Variants in HTR2C observed in about 807,000 individuals in gnomAD.
HTR2C encodes 5-hydroxytryptamine receptor 2C, also known as 5-hydroxytryptamine (serotonin) receptor 2C, G protein-coupled.
In HTR2C, 5 loss-of-function variants were observed where a neutral mutation model predicts 21.0. The ratio of observed to expected loss-of-function variants is 0.24; its 90% CI spans 0.12 to 0.50. HTR2C has a LOEUF of 0.50. HTR2C is among the 20% of genes least tolerant of loss of function. The pLI is 0.98. For missense variants in HTR2C, 271 were observed against 371.2 expected, an observed-to-expected ratio of 0.73 and a Z score of 2.22; for synonymous variants, 150 against 145.3, an observed-to-expected ratio of 1.03 and a Z score of -0.23.
rs1556467721 is a variant in HTR2C at position 114,846,980 on chromosome X, G to A, written c.350-1023G>A. Among the ~76,000 whole-genome samples, 5 of 111,729 alleles carry A rather than the reference G, an allele frequency of 4.5e-5. No individual in the cohort carries two copies. In the Admixed American group the frequency reaches 4.7e-4, roughly 11 times the overall value. On this transcript the variant is annotated intron_variant, in intron 4 of 5. Coordinates refer to ENST00000276198, the MANE Select transcript of HTR2C (RefSeq NM_000868.4). Reference sequence around the variant, plus strand: ...GGACATTTGTAGTTCTATACACAGTGATGAACAATCCATGAAAGAATTTAA... The same window carrying A: ...GGACATTTGTAGTTCTATACACAGTAATGAACAATCCATGAAAGAATTTAA...
At chrX:114,868,271 AACTT>A (rs1310781440) in intron 5 of HTR2C, among the ~76,000 whole-genome samples, 1 of 110,518 alleles carries the variant, frequency 9.0e-6, no homozygotes, top group Non-Finnish European at 1.9e-5. Context: ...TTTTAAGAAA[AACTT>A]ATTTATTTTA....
chrX:114,795,066 A>G (rs1602793160), intron 4 of HTR2C, among the ~76,000 whole-genome samples: 1 of 109,928 alleles, frequency 9.1e-6, no homozygotes, highest in Non-Finnish European at 1.9e-5. Flanking sequence ...AATGATTGCC[A>G]TTCTAACTGG....
At chrX:114,584,952 G>A (rs920191035) in intron 1 of HTR2C, among the ~76,000 whole-genome samples, 2 of 103,086 alleles carry the variant, frequency 1.9e-5, no homozygotes, top group African/African-American at 3.6e-5. Flanking sequence ...AACCTGGCGC[G>A]GGGGAAGCCG....
At chrX:114,806,151 T>G (rs1556449331) in intron 4 of HTR2C, among the ~76,000 whole-genome samples, 1 of 99,778 alleles carries the variant, frequency 1.0e-5, no homozygotes, top group African/African-American at 3.6e-5. Context: ...ACCCTATATA[T>G]ACACCATATG....
intron 1 of HTR2C, among the ~76,000 whole-genome samples, chrX:114,588,212 T>G (rs1927481774): frequency 8.9e-6 from 1 of 112,059 alleles, no homozygotes; most frequent in Non-Finnish European, 1.9e-5. Flanking sequence ...ATGGTCTAAT[T>G]TGAGAAGCAC....
At chrX:114,749,979 A>G (rs1206568811) in intron 4 of HTR2C, among the ~76,000 whole-genome samples, 1 of 111,760 alleles carries the variant, frequency 8.9e-6, no homozygotes, top group Non-Finnish European at 1.9e-5. Flanking sequence ...GGCTGAAGTT[A>G]GGTGATCATG....
intron 4 of HTR2C, 98 bp downstream of exon 4, chrX:114,731,705 G>A: frequency 4.5e-6 from 3 of 669,106 alleles, no homozygotes; most frequent in Non-Finnish European, 4.4e-6. Flanking sequence ...TGTAACATTT[G>A]GAAAAAGAAA....
intron 4 of HTR2C, among the ~76,000 whole-genome samples, chrX:114,768,852 T>G (rs1362749889): frequency 2.7e-5 from 3 of 111,338 alleles, no homozygotes; most frequent in Non-Finnish European, 5.7e-5. Flanking sequence ...GCAACTGCAG[T>G]GAATCTAAGA....
At chrX:114,766,078 A>G (rs191512433) in intron 4 of HTR2C, among the ~76,000 whole-genome samples, 1 of 111,890 alleles carries the variant, frequency 8.9e-6, no homozygotes, top group Admixed American at 9.5e-5. Flanking sequence ...CAAAGAGAGG[A>G]CACCACCAGC....
chrX:114,773,189 C>A lies in HTR2C; in HGVS notation c.349+41582C>A, dbSNP rs183784259. Among the ~76,000 whole-genome samples, 20 of 111,932 alleles carry A rather than the reference C, an allele frequency of 1.8e-4. No individual in the cohort carries two copies. The East Asian group carries it at 4.8e-3, about 27-fold the overall frequency. On this transcript the variant is annotated intron_variant, in intron 4 of 5. Coordinates refer to ENST00000276198, the MANE Select transcript of HTR2C (RefSeq NM_000868.4). ...ACACAAGAACTTCTTTCCCCCTTTC[C>A]CATTATAACTTGTTTTATGGAAAGA...
At position 114,654,630 on chromosome X, in the gene HTR2C, A is replaced by G. The variant is rs184667507; in HGVS notation, c.-80+40749A>G. On this transcript the variant is annotated intron_variant, in intron 2 of 5. Coordinates refer to ENST00000276198, the MANE Select transcript of HTR2C (RefSeq NM_000868.4). ...GTTGTACCCTAATACTTGGTTCTGT[A>G]CTAGGAGCTGCAGATACAGCAATGA... is the stretch of plus-strand genomic sequence containing the variant. Among the ~76,000 whole-genome samples the G allele has an allele frequency of 1.3e-3, 142 of 109,964 alleles. 2 individuals carry two copies. In the South Asian group the frequency reaches 0.016, roughly 12 times the overall value.
At chrX:114,891,677 G>A (rs1286544757) in intron 5 of HTR2C, among the ~76,000 whole-genome samples, 1 of 110,270 alleles carries the variant, frequency 9.1e-6, no homozygotes, top group East Asian at 2.8e-4. Context: ...AGGGAACTCA[G>A]GAAGAAAGCG....
At chrX:114,810,093 G>A (rs1369488231) in intron 4 of HTR2C, among the ~76,000 whole-genome samples, 5 of 111,845 alleles carry the variant, frequency 4.5e-5, no homozygotes, top group African/African-American at 1.6e-4. Flanking sequence ...CCTGGAATGA[G>A]GGCATCAGGA....
chrX:114,724,390 A>G (rs782383126), intron 2 of HTR2C, among the ~76,000 whole-genome samples: 2 of 101,969 alleles, frequency 2.0e-5, no homozygotes, highest in South Asian at 5.0e-4. Flanking sequence ...CCATCCTTTT[A>G]TTTTGAGCCT....
chrX:114,907,195 A>G lies in HTR2C; in HGVS notation c.1157A>G (p.Asn386Ser). ...GCATTCTCCAACTATTTGCGTTGCAATTATAAGGTAGAGAAAAAGCCTCCT... is the reference window on the plus strand; with the variant it reads ...GCATTCTCCAACTATTTGCGTTGCAGTTATAAGGTAGAGAAAAAGCCTCCT... ...RRAFSNYLRC[N>S]YKVEKKPPVR... The change falls in exon 6 of 6, where the codon AAT becomes AGT. Residue 386 changes from asparagine to serine, a missense_variant. Physicochemically the swap from Asn to Ser is conservative, Grantham distance 46. Coordinates refer to ENST00000276198, the MANE Select transcript of HTR2C (RefSeq NM_000868.4). The G allele has an allele frequency of 1.7e-6, 2 of 1,211,160 alleles. No individual in the cohort carries two copies. Among genetic ancestry groups the G allele is most frequent in the Non-Finnish European group, 2.2e-6 (2 of 895,130 alleles).
At chrX:114,767,254 G>GCTTT (rs2069955601) in intron 4 of HTR2C, among the ~76,000 whole-genome samples, 1 of 110,740 alleles carries the variant, frequency 9.0e-6, no homozygotes, top group Non-Finnish European at 1.9e-5. Flanking sequence ...AGAGTATTCT[G>GCTTT]AGTTCGTACT....
intron 4 of HTR2C, chrX:114,774,780 C>A: frequency 3.0e-6 from 1 of 335,172 alleles, no homozygotes; most frequent in Non-Finnish European, 5.3e-6. Flanking sequence ...TTAGGTCCTT[C>A]AATGTTTTAA....
chrX:114,772,279 T>A (rs2070011886), intron 4 of HTR2C, among the ~76,000 whole-genome samples: 1 of 112,113 alleles, frequency 8.9e-6, no homozygotes, highest in Non-Finnish European at 1.9e-5. Context: ...TTAAACATAA[T>A]AGCATAAAAT....
At chrX:114,730,211 T>G (rs782283406) in intron 3 of HTR2C, among the ~76,000 whole-genome samples, 2 of 111,856 alleles carry the variant, frequency 1.8e-5, no homozygotes, top group African/African-American at 6.5e-5. Context: ...ATAAATCTCA[T>G]GTCGCCATAG....
Sources: allele counts gnomAD v4.1 joint callset (sites outside exome capture counted in the v4.1 genomes callset), GRCh38; gene constraint gnomAD v4.1.1; transcripts MANE v1.5; gene names NCBI Gene and HGNC (gene_info 2026-07-23, HGNC 2026-07-21).